CCNJL: variants seen among roughly 807,000 people sequenced by gnomAD.
CCNJL encodes cyclin-J-like protein.
In CCNJL, 33 loss-of-function variants were observed where a neutral mutation model predicts 33.4. The ratio of observed to expected loss-of-function variants is 0.99; its 90% CI spans 0.75 to 1.32. The LOEUF (loss-of-function observed/expected upper bound fraction) is 1.32, where lower values mean the gene tolerates loss of function less well. CCNJL is among the 40% of genes most tolerant of loss of function. CCNJL has a pLI of 0.00. For synonymous variants in CCNJL, 227 were observed against 220.9 expected (o/e 1.03, Z -0.24); for missense variants, 512 against 499.7 (o/e 1.02, Z -0.23).
At chr5:160,279,510 A>AC (rs1762133533) in intron 3 of CCNJL, among the ~76,000 whole-genome samples, 1 of 152,140 alleles carries the variant, frequency 6.6e-6, no homozygotes, top group Admixed American at 6.5e-5. Context: ...CATCCCTGAA[A>AC]CTTGCTATCC....
chr5:160,259,557 G>C lies in CCNJL; in HGVS notation c.495C>G (p.His165Gln), dbSNP rs1289990625. Residue 165 changes from histidine (H) to glutamine (Q), a missense_variant, in exon 4 of 6, where the codon CAC becomes CAG. Physicochemically the swap from His to Gln is conservative, Grantham distance 24 (BLOSUM62 0). Coordinates refer to ENST00000257536, the MANE Select transcript of CCNJL (RefSeq NM_001308173.3). ...LLASVSQKDHHCHTWPTTCPR... is the reference protein window; with the variant it reads ...LLASVSQKDHQCHTWPTTCPR... ...GGCAGGTGGTGGGCCAGGTGTGGCA[G>C]TGGTGGTCCTTCTGGCTGACGGAGG... 8 of 1,614,050 alleles carry C rather than the reference G, an allele frequency of 5.0e-6. No homozygotes were observed. Among genetic ancestry groups the C allele is most frequent in the Non-Finnish European group, 6.8e-6 (8 of 1,179,996 alleles).
At chr5:160,325,811 C>T (rs1763527289) in intron 1 of CCNJL, among the ~76,000 whole-genome samples, 1 of 152,108 alleles carries the variant, frequency 6.6e-6, no homozygotes. Context: ...GGTCAGCAAG[C>T]CACAGCCTGT....
chr5:160,254,147 G>A (rs1167360652), intron 5 of CCNJL: 1 of 466,112 alleles, frequency 2.1e-6, no homozygotes, highest in Non-Finnish European at 3.8e-6. Context: ...CAGGAGGATG[G>A]CGCCTGCTTG....
chr5:160,289,074 AT>A (rs781686586), intron 2 of CCNJL, among the ~76,000 whole-genome samples: 9 of 152,030 alleles, frequency 5.9e-5, no homozygotes, highest in Non-Finnish European at 1.2e-4. Context: ...TCAAACCCAG[AT>A]TTTGGGCATG....
At position 160,283,022 on chromosome 5, in the gene CCNJL, T is replaced by C. The variant is rs549901949; in HGVS notation, c.67-2284A>G. Among the ~76,000 whole-genome samples, 155 of 102,260 alleles carry C rather than the reference T, an allele frequency of 1.5e-3. 5 individuals are homozygous for C. Among genetic ancestry groups the C allele is most frequent in the African/African-American group, 5.9e-3 (151 of 25,448 alleles). 67.1% of individuals were successfully genotyped at this position (102,260 alleles called of 152,430 possible). Reference sequence around the variant, plus strand: ...ATATATATATATACATATATATATATATATACCTAAGAGAAATGAAAACAT... The same window carrying C: ...ATATATATATATACATATATATATACATATACCTAAGAGAAATGAAAACAT... On this transcript the variant is annotated intron_variant, in intron 2 of 5. Transcript: ENST00000257536.
chr5:160,264,731 C>T (rs1005699549), intron 3 of CCNJL, among the ~76,000 whole-genome samples: 3 of 152,074 alleles, frequency 2.0e-5, no homozygotes, highest in Non-Finnish European at 2.9e-5. Context: ...CTAGGTCCCC[C>T]CTCTCCCGAG....
At chr5:160,313,264 C>T (rs537367038), upstream of CCNJL, among the ~76,000 whole-genome samples, 2 of 152,316 alleles carry the variant, frequency 1.3e-5, no homozygotes, top group African/African-American at 4.8e-5. Flanking sequence ...TAGCATTGGG[C>T]TATCCTTCTT....
intron 1 of CCNJL, among the ~76,000 whole-genome samples, chr5:160,337,362 T>C (rs1763696267): frequency 6.6e-6 from 1 of 152,102 alleles, no homozygotes; most frequent in Non-Finnish European, 1.5e-5. Flanking sequence ...TCTTTTGTCA[T>C]TGCCCCTCAC....
chr5:160,336,434 G>C (rs1437446192), intron 1 of CCNJL, among the ~76,000 whole-genome samples: 2 of 152,236 alleles, frequency 1.3e-5, no homozygotes, highest in Non-Finnish European at 2.9e-5. Context: ...GCAGCTGCAA[G>C]TCAAGGAATG....
intron 1 of CCNJL, among the ~76,000 whole-genome samples, chr5:160,326,477 C>A (rs185583771): frequency 3.4e-3 from 370 of 108,086 alleles, no homozygotes; most frequent in Non-Finnish European, 5.3e-3. Flanking sequence ...CAGAGCTAGA[C>A]TCTGTCTCCA....
chr5:160,254,403 T>C lies in CCNJL; in HGVS notation c.744-605A>G, dbSNP rs1760962362. On this transcript the variant is annotated intron_variant, in intron 5 of 5. Coordinates refer to ENST00000257536, the MANE Select transcript of CCNJL (RefSeq NM_001308173.3). ...TAGCTTTTTGGGAAAACAAAACAAT[T>C]AGAGGCTTATGTAAGGCATGCACCG... 38 of 617,680 alleles carry C rather than the reference T, an allele frequency of 6.2e-5. 1 individual carries two copies. In the South Asian group the frequency reaches 7.2e-4, roughly 12 times the overall value. The allele number at this position is 617,680 out of a possible 1,614,324, so 38.3% of individuals were successfully genotyped here.
chr5:160,279,667 GA>G (rs552570954), intron 3 of CCNJL, among the ~76,000 whole-genome samples: 104 of 152,298 alleles, frequency 6.8e-4, no homozygotes, highest in Admixed American at 6.7e-3. Context: ...TGGGCAGCGG[GA>G]GGGAGGGAGA....
intron 2 of CCNJL, among the ~76,000 whole-genome samples, chr5:160,282,467 A>G (rs1762248676): frequency 6.6e-6 from 1 of 152,258 alleles, no homozygotes; most frequent in African/African-American, 2.4e-5. Context: ...GTTGAATTTC[A>G]AAACTTAAAA....
Position 160,320,811 on chromosome 5 carries a change from TTCTTTCTTTCTTTC to T in CCNJL, n.207-5320_207-5307del, listed in dbSNP as rs1327174310. Among the ~76,000 whole-genome samples, 5 of 92,718 alleles carry T rather than the reference TTCTTTCTTTCTTTC, an allele frequency of 5.4e-5. No individual in the cohort carries two copies. The Admixed American group carries it at 5.4e-4, about 10-fold the overall frequency. 60.8% of individuals were successfully genotyped at this position (92,718 alleles called of 152,430 possible). The stretch of plus-strand genomic sequence containing the variant: ...TTCCTTTCTTTCTTTCTTTCTTTCT[TTCTTTCTTTCTTTC>T]TTTCTTTCTTTCTTTCTTTCTTTCC... On this transcript the variant is annotated intron_variant and non_coding_transcript_variant, in intron 1 of 7. Transcript: ENST00000377503.
chr5:160,259,650 G>A lies in CCNJL; in HGVS notation c.402C>T (p.Leu134=). ...KKELLSTELL[L]LEAFSWNLCL... is the part of the protein sequence containing the mutation. ...AGAGGTTCCAGCTGAAGGCCTCCAG[G>A]AGCAGCAGCTCTGTGCTCAGCAGCT... Residue 134 remains leucine, a synonymous_variant, in exon 4 of 6, where the codon CTC becomes CTT. Coordinates refer to ENST00000257536, the MANE Select transcript of CCNJL (RefSeq NM_001308173.3). 6.2e-7 allele frequency: 1 copy of A among 1,614,214 alleles called. No individual in the cohort carries two copies. Among genetic ancestry groups the A allele is most frequent in the Non-Finnish European group, 8.5e-7 (1 of 1,180,042 alleles).
rs1762175900 is a variant in CCNJL, at chr5:160,280,609, G to T, written c.196C>A (p.Leu66Met). ...CPAARHLAVY[L>M]LDHFMDRYNV... ...TAGCGATCCATGAAGTGGTCCAGCA[G>T]GTAGACGGCCAGGTGCCGGGCTGCA... Residue 66 changes from leucine to methionine, a missense_variant, in exon 3 of 6, where the codon CTG becomes ATG. By Grantham distance (15) the Leu-to-Met change is conservative. Transcript: ENST00000257536. 6.2e-7 allele frequency: 1 copy of T among 1,613,536 alleles called. No individual in the cohort carries two copies. Among genetic ancestry groups the T allele is most frequent in the African/African-American group, 1.3e-5 (1 of 74,918 alleles).
intron 1 of CCNJL, among the ~76,000 whole-genome samples, chr5:160,324,627 G>GTCTGTCTGTCTATCTATCTATCTATCTA (rs140137170): frequency 6.6e-6 from 1 of 151,570 alleles, no homozygotes; most frequent in African/African-American, 2.4e-5. Flanking sequence ...AAAACTGTCT[G>GTCTGTCTGTCTATCTATCTATCTATCTA]TCTATCTATC....
At position 160,253,709 on chromosome 5, in the gene CCNJL, A is replaced by G. The variant is rs1238216349; in HGVS notation, c.833T>C (p.Val278Ala). ...VPGTPPTPTQ[V>A]LFQPPAYPAL... is the part of the protein sequence containing the mutation. ...CGGGTAGGCTGGTGGCTGGAACAGC[A>G]CTTGAGTGGGGGTGGGGGGTGTGCC... The change falls in exon 6 of 6, where the codon GTG becomes GCG. Residue 278 changes from valine to alanine, a missense_variant. By Grantham distance (64) the Val-to-Ala change is moderately conservative. Transcript: ENST00000257536. 9 of 1,599,736 alleles carry G rather than the reference A, an allele frequency of 5.6e-6. No homozygotes were observed. The African/African-American group carries it at 9.4e-5, about 17-fold the overall frequency.
At chr5:160,326,741 C>T in intron 1 of CCNJL, 1 of 892,612 alleles carries the variant, frequency 1.1e-6, no homozygotes, top group African/African-American at 1.7e-5. Context: ...TATGGTGCAG[C>T]CCATCAATCT....
Sources: gnomAD v4.1 joint callset for allele counts (sites outside exome capture counted in the v4.1 genomes callset) on GRCh38, gnomAD v4.1.1 for gene constraint, MANE v1.5 for transcripts, NCBI Gene and HGNC (gene_info 2026-07-23, HGNC 2026-07-21) for gene names.